The following HPD variants were observed in gnomAD, a reference collection of about 807,000 sequenced individuals.
The protein encoded by HPD is 4-hydroxyphenylpyruvic acid oxidase.
A neutral mutation model predicts 56.9 loss-of-function variants in HPD; 35 were observed. The ratio of observed to expected loss-of-function variants is 0.62; its 90% CI spans 0.47 to 0.82. The LOEUF (loss-of-function observed/expected upper bound fraction) is 0.82, where lower values mean the gene tolerates loss of function less well. Ranked by LOEUF, HPD falls within the 40% of genes least tolerant of loss-of-function variation. The probability of loss-of-function intolerance (pLI) is 0.00; values close to 1 mark genes in which losing one functional copy is unlikely to be tolerated. For synonymous variants in HPD, 186 were observed against 200.2 expected, an observed-to-expected ratio of 0.93 and a Z score of 0.60; for missense variants, 442 against 506.8, an observed-to-expected ratio of 0.87 and a Z score of 1.23.
intron 12 of HPD, among the ~76,000 whole-genome samples, chr12:121,840,786 A>AG (rs1053794548): frequency 4.0e-5 from 6 of 151,056 alleles, no homozygotes; most frequent in Non-Finnish European, 8.9e-5. Context: ...AAAAAAAAAA[A>AG]GGGGGTGGCC....
chr12:121,882,226 T>C, the HPD span, among the ~76,000 whole-genome samples: 1 of 152,124 alleles, frequency 6.6e-6, no homozygotes, highest in Non-Finnish European at 1.5e-5. Flanking sequence ...GTAGGATTCC[T>C]GGGCCAGAGT....
intron 12 of HPD, 32 bp from the exon 13 acceptor site, chr12:121,840,080 A>G: frequency 7.0e-7 from 1 of 1,424,120 alleles, no homozygotes; most frequent in Non-Finnish European, 9.9e-7. Flanking sequence ...CTGCTAGGGG[A>G]GGCTGGCACG....
chr12:121,847,041 G>T lies in HPD; in HGVS notation c.759+11C>A. 1 of 1,614,088 alleles carries T rather than the reference G, an allele frequency of 6.2e-7. No individual in the cohort carries two copies. The highest frequency in any genetic ancestry group is 8.5e-7 in the Non-Finnish European group (1 of 1,180,006). Reference sequence around the variant, plus strand: ...CCTGCTCCCCTCTCCCCCAGCCAGGGGCGGCCTCACCTGGATCTGGGACTT... The same window carrying T: ...CCTGCTCCCCTCTCCCCCAGCCAGGTGCGGCCTCACCTGGATCTGGGACTT... On this transcript the variant is annotated intron_variant, in intron 10 of 13. Transcript: ENST00000289004.
chr12:121,865,538 G>A, upstream of HPD, among the ~76,000 whole-genome samples: 1 of 148,898 alleles, frequency 6.7e-6, no homozygotes, highest in Non-Finnish European at 1.5e-5. Flanking sequence ...CAAAGTGCTG[G>A]GATTACAGGC....
At position 121,842,304 on chromosome 12, in the gene HPD, T is replaced by A. The variant is rs559940205; in HGVS notation, c.954+1406A>T. Among the ~76,000 whole-genome samples the A allele has an allele frequency of 4.6e-5, 7 of 151,694 alleles. No homozygotes were observed. In the South Asian group the frequency reaches 1.5e-3, roughly 32 times the overall value. ...ATGCCCAGCTAATTTTTTAAAACTGTTTTTTTTGTAGATACAGGGTCGCCC... is the reference window on the plus strand; with the variant it reads ...ATGCCCAGCTAATTTTTTAAAACTGATTTTTTTGTAGATACAGGGTCGCCC... On this transcript the variant is annotated intron_variant, in intron 12 of 13. Coordinates refer to ENST00000289004, the MANE Select transcript of HPD (RefSeq NM_002150.3).
chr12:121,888,035 C>T, the HPD span, among the ~76,000 whole-genome samples: 1 of 152,162 alleles, frequency 6.6e-6, no homozygotes, highest in Non-Finnish European at 1.5e-5. Context: ...GTTTTCTCAG[C>T]TGTCAAATTG....
chr12:121,877,994 G>A, the HPD span, among the ~76,000 whole-genome samples: 1 of 152,194 alleles, frequency 6.6e-6, no homozygotes, highest in Non-Finnish European at 1.5e-5. Flanking sequence ...GACCCACAGT[G>A]CAGACTGGTG....
chr12:121,876,199 T>G, the HPD span, among the ~76,000 whole-genome samples: 7 of 152,206 alleles, frequency 4.6e-5, no homozygotes, highest in South Asian at 1.2e-3. Context: ...TAGTCCCAGC[T>G]ACCTGAGAGG....
At chr12:121,858,559 G>T in intron 2 of HPD, 128 bp downstream of exon 2, 1 of 945,094 alleles carries the variant, frequency 1.1e-6, no homozygotes, top group Non-Finnish European at 1.7e-6. Flanking sequence ...AGCTGAGTGT[G>T]CAGGCATGCA....
intron 7 of HPD, chr12:121,850,030 C>A: frequency 2.0e-6 from 1 of 510,532 alleles, no homozygotes; most frequent in Admixed American, 2.9e-5. Context: ...GCGCCAAGCT[C>A]AGTGCCTGGC....
intron 6 of HPD, 40 bp downstream of exon 6, chr12:121,856,284 G>A (rs761105141): frequency 1.2e-5 from 19 of 1,529,952 alleles, no homozygotes; most frequent in South Asian, 3.4e-5. Flanking sequence ...CATGGCAGAC[G>A]GAGGCCTTCC....
At chr12:121,865,209 A>C (rs1307777095), upstream of HPD, among the ~76,000 whole-genome samples, 1 of 151,956 alleles carries the variant, frequency 6.6e-6, no homozygotes, top group Non-Finnish European at 1.5e-5. Flanking sequence ...CGGAGGCTGC[A>C]GTGAGCTGAG....
chr12:121,878,873 CTA>C, the HPD span, among the ~76,000 whole-genome samples: 1 of 151,872 alleles, frequency 6.6e-6, no homozygotes. Context: ...GGGGGTCTCA[CTA>C]TGTTGTCTCG....
intron 12 of HPD, 45 bp from the exon 13 acceptor site, chr12:121,840,093 G>T: frequency 7.6e-7 from 1 of 1,314,152 alleles, no homozygotes; most frequent in Non-Finnish European, 1.1e-6. Context: ...CTGGCACGGT[G>T]AGATCCTTGG....
the HPD span, among the ~76,000 whole-genome samples, chr12:121,871,743 C>T: frequency 1.3e-5 from 2 of 152,026 alleles, no homozygotes; most frequent in African/African-American, 2.4e-5. Flanking sequence ...GTTGGTGGCA[C>T]GGGACATAGG....
chr12:121,861,417 A>C (rs371430249), upstream of HPD, among the ~76,000 whole-genome samples: 1 of 152,074 alleles, frequency 6.6e-6, no homozygotes, highest in Non-Finnish European at 1.5e-5. Context: ...AGGCAGGAGA[A>C]TCACTTGAAC....
At chr12:121,858,753 A>G (rs575191919) in intron 1 of HPD, 40 bp from the exon 2 acceptor site, 2 of 1,614,118 alleles carry the variant, frequency 1.2e-6, no homozygotes, top group African/African-American at 1.3e-5. Flanking sequence ...TGGAGGTTCC[A>G]ACACAAGGTG....
At chr12:121,888,251 A>T in the HPD span, among the ~76,000 whole-genome samples, 1 of 152,200 alleles carries the variant, frequency 6.6e-6, no homozygotes, top group Non-Finnish European at 1.5e-5. Context: ...TTGTTAGCAG[A>T]AGGACAGCTC....
At chr12:121,851,716 T>A (rs1227456019) in intron 7 of HPD, among the ~76,000 whole-genome samples, 18 of 3,060 alleles carry the variant, frequency 5.9e-3, no homozygotes, top group Non-Finnish European at 0.012. Context: ...TTTTTTTTTT[T>A]TTTTTTTTTT....
Sources: gnomAD v4.1 joint callset for allele counts (sites outside exome capture counted in the v4.1 genomes callset) on GRCh38, gnomAD v4.1.1 for gene constraint, MANE v1.5 for transcripts, NCBI Gene and HGNC (gene_info 2026-07-23, HGNC 2026-07-21) for gene names.